Variants in NETO1 observed in about 807,000 individuals in gnomAD.
The protein encoded by NETO1 is neuropilin and tolloid-like protein 1.
In NETO1, 26 loss-of-function variants were observed where a neutral mutation model predicts 61.3. The observed-to-expected ratio is 0.42, with a 90% CI of 0.31 to 0.59. The LOEUF (loss-of-function observed/expected upper bound fraction) is 0.59. Among genes scored for constraint, NETO1 ranks in the 20% least tolerant of loss-of-function variants. The pLI is 0.12. For synonymous variants in NETO1, 225 were observed against 225.8 expected, an observed-to-expected ratio of 1.00 and a Z score of 0.03; for missense variants, 531 against 662.8, an observed-to-expected ratio of 0.80 and a Z score of 2.18.
chr18:72,855,562 C>T lies in NETO1; in HGVS notation c.469+3264G>A, dbSNP rs984787725. ...TGCCTCCGTATCCTCCACATCCGTG[C>T]GGGACCTCCAGTTGGGCTGTTCCCA... On this transcript the variant is annotated intron_variant, in intron 4 of 10. Coordinates refer to ENST00000327305, the MANE Select transcript of NETO1 (RefSeq NM_138966.5). Among the ~76,000 whole-genome samples, 5 of 152,196 alleles carry T rather than the reference C, an allele frequency of 3.3e-5. No homozygotes were observed. In the East Asian group the frequency reaches 7.7e-4, roughly 23 times the overall value.
At chr18:72,765,117 T>C (rs1228460133) in intron 7 of NETO1, among the ~76,000 whole-genome samples, 3 of 152,200 alleles carry the variant, frequency 2.0e-5, no homozygotes, top group Admixed American at 6.5e-5. Flanking sequence ...AAACTCCTTG[T>C]ACCCCTTAGT....
chr18:72,766,326 A>G (rs912966797), intron 7 of NETO1, among the ~76,000 whole-genome samples: 2 of 151,898 alleles, frequency 1.3e-5, no homozygotes, highest in African/African-American at 4.8e-5. Flanking sequence ...TATAAAATAT[A>G]TTTGGCCATC....
chr18:72,748,929 A>C, intron 10 of NETO1, 85 bp downstream of exon 10: 1 of 825,706 alleles, frequency 1.2e-6, no homozygotes, highest in Non-Finnish European at 2.1e-6. Context: ...ATGGATAAAT[A>C]GCACATTCCC....
intron 7 of NETO1, among the ~76,000 whole-genome samples, chr18:72,757,566 T>C (rs2070824193): frequency 6.6e-6 from 1 of 152,114 alleles, no homozygotes; most frequent in African/African-American, 2.4e-5. Flanking sequence ...GTAAAAAGCA[T>C]ATAATAGTAA....
At chr18:72,766,620 ATC>A (rs1416195723) in intron 7 of NETO1, among the ~76,000 whole-genome samples, 11 of 152,120 alleles carry the variant, frequency 7.2e-5, no homozygotes, top group Admixed American at 5.9e-4. Context: ...ACATATATTA[ATC>A]TGTTTTTATA....
chr18:72,784,448 G>A (rs1305244355), intron 6 of NETO1, among the ~76,000 whole-genome samples: 2 of 152,112 alleles, frequency 1.3e-5, no homozygotes, highest in African/African-American at 2.4e-5. Flanking sequence ...AAAAGGCCAA[G>A]CTAGTCTCTG....
intron 4 of NETO1, among the ~76,000 whole-genome samples, chr18:72,827,265 CGTGA>C (rs1267592452): frequency 4.6e-5 from 7 of 152,052 alleles, no homozygotes; most frequent in African/African-American, 7.2e-5. Flanking sequence ...CTTTATGCAA[CGTGA>C]GTGACAATGA....
intron 4 of NETO1, among the ~76,000 whole-genome samples, chr18:72,808,449 G>GTGTGTGTGTC (rs2072753822): frequency 6.6e-6 from 1 of 151,668 alleles, no homozygotes; most frequent in African/African-American, 2.4e-5. Flanking sequence ...GTGTGTGTGT[G>GTGTGTGTGTC]TGTGTGGAGT....
rs1204301083 is a variant in NETO1 at position 72,750,274 on chromosome 18, G to A, written c.1329C>T (p.Ser443=). 1 of 1,613,936 alleles carries A rather than the reference G, an allele frequency of 6.2e-7. No homozygotes were observed. Among genetic ancestry groups the A allele is most frequent in the African/African-American group, 1.3e-5 (1 of 74,910 alleles). The change falls in exon 9 of 11, where the codon AGC becomes AGT. Residue 443 remains serine, a synonymous_variant. Coordinates refer to ENST00000327305, the MANE Select transcript of NETO1 (RefSeq NM_138966.5). ...CATCTCTTGTGCTGAGGTTACTGCGGCTGCCTTTAGTGCTGGACAGCTGTG... is the reference window on the plus strand; with the variant it reads ...CATCTCTTGTGCTGAGGTTACTGCGACTGCCTTTAGTGCTGGACAGCTGTG... ...CGSQLSSTKG[S]RSNLSTRDAS... is the part of the protein sequence containing the mutation.
chr18:72,865,574 C>G, intron 1 of NETO1: 1 of 1,607,436 alleles, frequency 6.2e-7, no homozygotes, highest in South Asian at 1.1e-5. Context: ...CTAAACTACC[C>G]TTAGGGAATG....
At chr18:72,768,668 T>TA (rs2071244742) in intron 7 of NETO1, among the ~76,000 whole-genome samples, 2 of 151,986 alleles carry the variant, frequency 1.3e-5, no homozygotes, top group Non-Finnish European at 2.9e-5. Flanking sequence ...GGCACAGAGG[T>TA]GATGTAACAG....
chr18:72,824,689 A>T (rs1375639322), intron 4 of NETO1, among the ~76,000 whole-genome samples: 2 of 144,296 alleles, frequency 1.4e-5, no homozygotes, highest in African/African-American at 5.2e-5. Flanking sequence ...ACATGGCGAA[A>T]CCCCGTCTCT....
intron 4 of NETO1, among the ~76,000 whole-genome samples, chr18:72,822,737 C>T (rs146437942): frequency 7.9e-5 from 12 of 152,258 alleles, no homozygotes; most frequent in African/African-American, 1.7e-4. Flanking sequence ...ACTTCACTTG[C>T]GGTAGACACT....
chr18:72,864,133 C>T lies in NETO1; in HGVS notation c.220+675G>A, dbSNP rs547429385. On this transcript the variant is annotated intron_variant, in intron 3 of 10. Transcript: ENST00000327305. ...ACTCGGGAGGCTGAGGCAGGAGAAT[C>T]GCTGGAACTCAGGGGACTCTCGCTT... Among the ~76,000 whole-genome samples, 6 of 151,816 alleles carry T rather than the reference C, an allele frequency of 4.0e-5. No homozygotes were observed. In the South Asian group the frequency reaches 1.0e-3, roughly 26 times the overall value.
rs1429164501 is a variant in NETO1, at chr18:72,867,278, C to A, written c.14G>T (p.Arg5Leu). 6.4e-7 allele frequency: 1 copy of A among 1,569,742 alleles called. No individual in the cohort carries two copies. Residue 5 changes from arginine to leucine, a missense_variant, in exon 1 of 11, where the codon CGC becomes CTC. Arg to Leu is a moderately radical substitution (Grantham distance 102). Transcript: ENST00000327305. MIHGRSVLHIVASLI... is the reference protein window; with the variant it reads MIHGLSVLHIVASLI... ...AGGGTACTCACTGTGAAGCACGCTG[C>A]GCCCATGGATCATGTCTGTGCGTTA...
rs1456232056 is a variant in NETO1 at position 72,747,035 on chromosome 18, G to T, written c.*1144C>A. 6.6e-6 allele frequency: 1 copy of T among 151,836 alleles called. No homozygotes were observed. Among genetic ancestry groups the T allele is most frequent in the Non-Finnish European group, 1.5e-5 (1 of 67,896 alleles). The allele number at this position is 151,836 out of a possible 1,614,324, so 9.4% of individuals were successfully genotyped here. A position where few individuals can be genotyped will look rare whatever the true frequency, so the allele number is the denominator to read the frequency against. On this transcript the variant is annotated 3_prime_UTR_variant, in exon 11 of 11. Coordinates refer to ENST00000327305, the MANE Select transcript of NETO1 (RefSeq NM_138966.5). ...TGTGATTTTAAAGCAGTTTTAAAAA[G>T]AGTTCCCTATTCTAAAAGAAGAAAA...
chr18:72,819,025 T>A (rs376941929), intron 4 of NETO1, among the ~76,000 whole-genome samples: 2 of 152,232 alleles, frequency 1.3e-5, no homozygotes, highest in Non-Finnish European at 2.9e-5. Context: ...AGAAACTCTA[T>A]AGAGCTGTCC....
chr18:72,818,141 C>A (rs2073083984), intron 4 of NETO1, among the ~76,000 whole-genome samples: 1 of 152,056 alleles, frequency 6.6e-6, no homozygotes. Flanking sequence ...AAAATGCATA[C>A]AATCAGTAAA....
chr18:72,804,838 C>T (rs898670260), intron 4 of NETO1, among the ~76,000 whole-genome samples: 2 of 152,166 alleles, frequency 1.3e-5, no homozygotes, highest in African/African-American at 4.8e-5. Flanking sequence ...TAGTTTTCCC[C>T]AAATTTCCAC....
Sources: allele counts gnomAD v4.1 joint callset (sites outside exome capture counted in the v4.1 genomes callset), GRCh38; gene constraint gnomAD v4.1.1; transcripts MANE v1.5; gene names NCBI Gene and HGNC (gene_info 2026-07-23, HGNC 2026-07-21).